Variants in UNC5D observed in about 807,000 individuals in gnomAD.
The protein encoded by UNC5D is netrin receptor UNC5D.
In UNC5D, 39 loss-of-function variants were observed where a neutral mutation model predicts 105.4. That is an observed-to-expected ratio of 0.37 (90% CI 0.29 to 0.48). The LOEUF (loss-of-function observed/expected upper bound fraction) is 0.48. Among genes scored for constraint, UNC5D ranks in the 20% least tolerant of loss-of-function variants. The pLI is 0.98. For missense variants in UNC5D, 991 were observed against 1,202.4 expected (o/e 0.82, Z 2.60); for synonymous variants, 452 against 450.4 (o/e 1.00, Z -0.04).
At chr8:35,474,001 C>T (rs1352710372) in intron 1 of UNC5D, among the ~76,000 whole-genome samples, 2 of 152,124 alleles carry the variant, frequency 1.3e-5, no homozygotes, top group Admixed American at 1.3e-4. Context: ...GGAATAACAG[C>T]ATTAATCTGT....
intron 1 of UNC5D, among the ~76,000 whole-genome samples, chr8:35,376,637 G>T (rs1317616547): frequency 6.6e-6 from 1 of 152,184 alleles, no homozygotes; most frequent in Non-Finnish European, 1.5e-5. Flanking sequence ...AAAAACCCAT[G>T]ATTCCTTTCA....
chr8:35,364,770 C>A (rs1033149446), intron 1 of UNC5D, among the ~76,000 whole-genome samples: 35 of 152,122 alleles, frequency 2.3e-4, no homozygotes, highest in African/African-American at 8.2e-4. Context: ...CAAGAACCTA[C>A]CCCTTCACTA....
chr8:35,674,124 G>C (rs1351434660), intron 4 of UNC5D, among the ~76,000 whole-genome samples: 1 of 152,122 alleles, frequency 6.6e-6, no homozygotes, highest in African/African-American at 2.4e-5. Flanking sequence ...ACCCACCTGG[G>C]AGACAATACC....
chr8:35,426,095 G>T (rs1323762136), intron 1 of UNC5D, among the ~76,000 whole-genome samples: 1 of 152,054 alleles, frequency 6.6e-6, no homozygotes, highest in African/African-American at 2.4e-5. Flanking sequence ...GCATATTCCT[G>T]TAAATTCTAC....
intron 9 of UNC5D, chr8:35,724,087 G>A: frequency 7.3e-7 from 1 of 1,361,084 alleles, no homozygotes; most frequent in Non-Finnish European, 9.5e-7. Flanking sequence ...CGTGTTCCGT[G>A]GAGCACCAGG....
At chr8:35,757,557 C>A (rs1427886820) in intron 13 of UNC5D, among the ~76,000 whole-genome samples, 1 of 152,138 alleles carries the variant, frequency 6.6e-6, no homozygotes, top group Non-Finnish European at 1.5e-5. Context: ...TCTTTCTTAA[C>A]CTCCTAGGCA....
chr8:35,700,061 G>A (rs1221171675), intron 7 of UNC5D, among the ~76,000 whole-genome samples: 1 of 152,202 alleles, frequency 6.6e-6, no homozygotes, highest in Admixed American at 6.5e-5. Flanking sequence ...CCGGCATAGT[G>A]TTGTTGCCAA....
At chr8:35,610,861 T>G (rs542577475) in intron 4 of UNC5D, among the ~76,000 whole-genome samples, 3 of 152,178 alleles carry the variant, frequency 2.0e-5, no homozygotes, top group African/African-American at 7.2e-5. Flanking sequence ...TTGTCACGGT[T>G]GCACAATGGG....
intron 1 of UNC5D, among the ~76,000 whole-genome samples, chr8:35,489,944 A>C (rs1227435923): frequency 6.6e-6 from 1 of 152,234 alleles, no homozygotes; most frequent in African/African-American, 2.4e-5. Context: ...TTTTTGGTCG[A>C]AGATGATTTT....
chr8:35,283,557 C>T (rs780428347), intron 1 of UNC5D, among the ~76,000 whole-genome samples: 9 of 151,714 alleles, frequency 5.9e-5, no homozygotes, highest in Non-Finnish European at 1.0e-4. Flanking sequence ...ATCAAGAGAT[C>T]GAGATCATCT....
At chr8:35,425,995 A>G (rs1355442987) in intron 1 of UNC5D, among the ~76,000 whole-genome samples, 1 of 152,134 alleles carries the variant, frequency 6.6e-6, no homozygotes, top group Non-Finnish European at 1.5e-5. Flanking sequence ...CCCTCCATGT[A>G]ACGCCATGAA....
chr8:35,446,773 C>T (rs1367626818), intron 1 of UNC5D, among the ~76,000 whole-genome samples: 1 of 152,056 alleles, frequency 6.6e-6, no homozygotes, highest in Non-Finnish European at 1.5e-5. Context: ...GTTGCCCATA[C>T]CCACACTTTA....
At chr8:35,687,441 CAAA>C (rs34104800) in intron 7 of UNC5D, among the ~76,000 whole-genome samples, 2 of 53,084 alleles carry the variant, frequency 3.8e-5, no homozygotes, top group African/African-American at 6.8e-5. Flanking sequence ...GACTCCGTCT[CAAA>C]AAAAAAAAAA....
At chr8:35,399,301 C>T (rs1459947172) in intron 1 of UNC5D, among the ~76,000 whole-genome samples, 2 of 152,070 alleles carry the variant, frequency 1.3e-5, no homozygotes, top group Non-Finnish European at 2.9e-5. Flanking sequence ...AGAACCTCTG[C>T]CATTTCCTAG....
At chr8:35,366,227 AT>A (rs1487137166) in intron 1 of UNC5D, among the ~76,000 whole-genome samples, 1 of 151,766 alleles carries the variant, frequency 6.6e-6, no homozygotes, top group Non-Finnish European at 1.5e-5. Context: ...GGGCACATAG[AT>A]TCCTATTTTT....
At chr8:35,560,141 AG>A (rs1816856385) in intron 2 of UNC5D, among the ~76,000 whole-genome samples, 1 of 152,240 alleles carries the variant, frequency 6.6e-6, no homozygotes, top group African/African-American at 2.4e-5. Context: ...AATAATTTAA[AG>A]GGTTGGACTT....
chr8:35,651,810 A>G (rs527360417), intron 4 of UNC5D, among the ~76,000 whole-genome samples: 5 of 152,264 alleles, frequency 3.3e-5, no homozygotes, highest in Admixed American at 3.3e-4. Context: ...TTTGAGATTC[A>G]TTTAAGTTAA....
chr8:35,402,924 A>C (rs1255102881), intron 1 of UNC5D, among the ~76,000 whole-genome samples: 1 of 151,920 alleles, frequency 6.6e-6, no homozygotes, highest in East Asian at 1.9e-4. Context: ...GTGCTGCCCC[A>C]CTCTTGGAAA....
chr8:35,460,762 G>GTTTGTTTT (rs1808830256), intron 1 of UNC5D, among the ~76,000 whole-genome samples: 1 of 152,112 alleles, frequency 6.6e-6, no homozygotes, highest in South Asian at 2.1e-4. Context: ...TTGTTTGTTT[G>GTTTGTTTT]TTTGTTTTGT....
Sources: allele counts gnomAD v4.1 joint callset (sites outside exome capture counted in the v4.1 genomes callset), GRCh38; gene constraint gnomAD v4.1.1; transcripts MANE v1.5; gene names NCBI Gene and HGNC (gene_info 2026-07-23, HGNC 2026-07-21).